CEP128: variants seen among roughly 807,000 people sequenced by gnomAD.
CEP128 encodes centrosomal protein 128, also known as centrosomal protein 128kDa.
CEP128 carries 132 observed loss-of-function variants against 156.7 expected under a neutral mutation model. That is an observed-to-expected ratio of 0.84 (90% CI 0.73 to 0.97). The LOEUF is 0.97. Ranked by LOEUF, CEP128 falls within the 50% of genes least tolerant of loss-of-function variation. The pLI, the probability that CEP128 is intolerant of heterozygous loss-of-function variation, is 0.00. For synonymous variants in CEP128, 469 were observed against 448.9 expected, an observed-to-expected ratio of 1.04 and a Z score of -0.57; for missense variants, 1,252 against 1,281.9, an observed-to-expected ratio of 0.98 and a Z score of 0.36.
At chr14:80,707,445 C>T (rs1478376582) in intron 19 of CEP128, among the ~76,000 whole-genome samples, 2 of 152,108 alleles carry the variant, frequency 1.3e-5, no homozygotes, top group African/African-American at 2.4e-5. Flanking sequence ...AAGTTTACCA[C>T]GTAAATATTT....
At chr14:80,802,113 G>C (rs1883905958) in intron 13 of CEP128, among the ~76,000 whole-genome samples, 1 of 151,976 alleles carries the variant, frequency 6.6e-6, no homozygotes, top group Non-Finnish European at 1.5e-5. Flanking sequence ...TTCAACCATT[G>C]TGGAAGACAG....
intron 19 of CEP128, among the ~76,000 whole-genome samples, chr14:80,725,013 A>G (rs962902651): frequency 6.9e-6 from 1 of 145,358 alleles, no homozygotes; most frequent in African/African-American, 2.6e-5. Flanking sequence ...ATATATATAC[A>G]TATATGATAT....
Position 80,776,539 on chromosome 14 carries a change from A to T in CEP128, c.2376+1343T>A, listed in dbSNP as rs564067339. On this transcript the variant is annotated intron_variant, in intron 16 of 24. Coordinates refer to ENST00000555265, the MANE Select transcript of CEP128 (RefSeq NM_152446.5). ...ACTACTCTATATATTAATATATATT[A>T]ATTATATATATTATTATATATATTA... is the stretch of plus-strand genomic sequence containing the variant. 7.0e-3 allele frequency among the ~76,000 whole-genome samples: 1,031 copies of T among 147,800 alleles called. 13 individuals carry two copies. Among genetic ancestry groups the T allele is most frequent in the African/African-American group, 0.024 (988 of 40,854 alleles).
intron 5 of CEP128, 97 bp from the exon 6 acceptor site, chr14:80,905,028 C>T: frequency 4.0e-6 from 3 of 741,776 alleles, no homozygotes; most frequent in Non-Finnish European, 4.9e-6. Context: ...CATGGATATA[C>T]ATATATTCAT....
chr14:80,813,278 A>G (rs1302984711), intron 13 of CEP128, among the ~76,000 whole-genome samples: 1 of 152,126 alleles, frequency 6.6e-6, no homozygotes, highest in Non-Finnish European at 1.5e-5. Context: ...TTTGTCATGA[A>G]GTCTTTGCCA....
At chr14:80,584,232 C>T (rs533056811) in intron 19 of CEP128, among the ~76,000 whole-genome samples, 2 of 150,402 alleles carry the variant, frequency 1.3e-5, no homozygotes, top group South Asian at 2.1e-4. Context: ...CTGAAACCTC[C>T]ACCTCCTGGG....
intron 2 of CEP128, among the ~76,000 whole-genome samples, chr14:80,949,603 T>C (rs1280474989): frequency 6.6e-6 from 1 of 152,146 alleles, no homozygotes; most frequent in Non-Finnish European, 1.5e-5. Flanking sequence ...AGAAGGGTAT[T>C]GCCTCGGGAA....
intron 1 of CEP128, 96 bp from the exon 2 acceptor site, chr14:80,939,636 T>C (rs1886037528): frequency 1.3e-5 from 2 of 152,266 alleles, no homozygotes; most frequent in South Asian, 4.1e-4. Context: ...GTACAGACTA[T>C]GGCATAACAC....
chr14:80,566,664 T>C (rs1890922060), intron 20 of CEP128, among the ~76,000 whole-genome samples: 1 of 152,218 alleles, frequency 6.6e-6, no homozygotes, highest in Non-Finnish European at 1.5e-5. Flanking sequence ...AAGAAGTTTG[T>C]CTATACATCA....
intron 19 of CEP128, among the ~76,000 whole-genome samples, chr14:80,614,254 C>T (rs4903929): frequency 0.94 from 143,027 of 152,280 alleles, 67,207 homozygotes; most frequent in East Asian, 0.99. Context: ...AATTATATTA[C>T]CATTATCATT....
intron 3 of CEP128, among the ~76,000 whole-genome samples, chr14:80,915,428 T>C (rs1031608204): frequency 6.6e-6 from 1 of 152,234 alleles, no homozygotes; most frequent in African/African-American, 2.4e-5. Context: ...AGCATATTAA[T>C]CCAAAGCAAT....
chr14:80,744,851 C>A (rs766512311), intron 18 of CEP128, among the ~76,000 whole-genome samples: 11 of 152,134 alleles, frequency 7.2e-5, no homozygotes, highest in Non-Finnish European at 1.5e-4. Flanking sequence ...GGATGGTTAC[C>A]CTACCCCAAG....
At chr14:80,549,800 T>A (rs371802803) in intron 21 of CEP128, among the ~76,000 whole-genome samples, 15 of 152,184 alleles carry the variant, frequency 9.9e-5, no homozygotes, top group Admixed American at 3.9e-4. Context: ...GCCTGTAGAG[T>A]GATTTGCACA....
intron 19 of CEP128, among the ~76,000 whole-genome samples, chr14:80,666,026 CA>C (rs1216366227): frequency 1.3e-5 from 2 of 152,034 alleles, no homozygotes; most frequent in Non-Finnish European, 2.9e-5. Flanking sequence ...AGGGCTTTTC[CA>C]ATTGCAAAGT....
intron 19 of CEP128, among the ~76,000 whole-genome samples, chr14:80,713,888 C>T (rs1897504937): frequency 6.6e-6 from 1 of 152,120 alleles, no homozygotes. Flanking sequence ...CATGAAAAAT[C>T]TTGGTTATTA....
intron 19 of CEP128, among the ~76,000 whole-genome samples, chr14:80,649,725 C>T (rs958104357): frequency 1.3e-5 from 2 of 151,892 alleles, no homozygotes; most frequent in African/African-American, 4.8e-5. Context: ...GGATCTAGTC[C>T]TGATGGAAAA....
At chr14:80,704,526 G>A (rs1188476883) in intron 19 of CEP128, among the ~76,000 whole-genome samples, 1 of 151,828 alleles carries the variant, frequency 6.6e-6, no homozygotes, top group Non-Finnish European at 1.5e-5. Flanking sequence ...AAGTTTTTAT[G>A]TTTCTTCCAC....
At chr14:80,694,534 A>G (rs1206053342) in intron 19 of CEP128, among the ~76,000 whole-genome samples, 1 of 152,220 alleles carries the variant, frequency 6.6e-6, no homozygotes, top group East Asian at 1.9e-4. Context: ...GATAAATAAA[A>G]TGTGGCACAT....
intron 9 of CEP128, among the ~76,000 whole-genome samples, chr14:80,855,767 G>A (rs1887120722): frequency 6.6e-6 from 1 of 152,156 alleles, no homozygotes; most frequent in Admixed American, 6.5e-5. Flanking sequence ...AGCCAGGTTA[G>A]AATATTTGCC....
Sources: gnomAD v4.1 joint callset for allele counts (sites outside exome capture counted in the v4.1 genomes callset) on GRCh38, gnomAD v4.1.1 for gene constraint, MANE v1.5 for transcripts, NCBI Gene and HGNC (gene_info 2026-07-23, HGNC 2026-07-21) for gene names.